MYO5B: variants seen among roughly 807,000 people sequenced by gnomAD.
The protein encoded by MYO5B is myosin VB, also known as unconventional myosin-Vb.
MYO5B carries 143 observed loss-of-function variants against 229.3 expected under a neutral mutation model. The observed-to-expected ratio is 0.62, with a 90% CI of 0.54 to 0.72. The LOEUF is 0.72. Ranked by LOEUF, MYO5B falls within the 30% of genes least tolerant of loss-of-function variation. MYO5B has a pLI of 0.00. For synonymous variants in MYO5B, 918 were observed against 885.2 expected, an observed-to-expected ratio of 1.04 and a Z score of -0.66; for missense variants, 2,321 against 2,331.0, an observed-to-expected ratio of 1.00 and a Z score of 0.09.
chr18:50,082,152 A>C (rs1034911216), intron 1 of MYO5B, among the ~76,000 whole-genome samples: 10 of 152,224 alleles, frequency 6.6e-5, no homozygotes, highest in Non-Finnish European at 4.4e-5. Flanking sequence ...AAGGCCCACA[A>C]TGGTACCAAG....
chr18:50,102,874 A>G (rs867298023), intron 1 of MYO5B, among the ~76,000 whole-genome samples: 2 of 152,094 alleles, frequency 1.3e-5, no homozygotes, highest in Non-Finnish European at 2.9e-5. Flanking sequence ...GCCTCAGCCC[A>G]TAAGAGACTT....
At chr18:50,092,414 G>C (rs1459308888) in intron 1 of MYO5B, among the ~76,000 whole-genome samples, 1 of 152,156 alleles carries the variant, frequency 6.6e-6, no homozygotes, top group African/African-American at 2.4e-5. Context: ...TGGCATAATG[G>C]AGAAGGAAGA....
chr18:50,135,761 G>C (rs887960417), intron 1 of MYO5B, among the ~76,000 whole-genome samples: 1 of 152,192 alleles, frequency 6.6e-6, no homozygotes, highest in Non-Finnish European at 1.5e-5. Context: ...CTGTTAGACT[G>C]TTAGAAACTG....
chr18:50,149,529 C>T (rs1439513685), intron 1 of MYO5B, among the ~76,000 whole-genome samples: 2 of 151,620 alleles, frequency 1.3e-5, no homozygotes, highest in Admixed American at 6.6e-5. Flanking sequence ...GAAATAATGC[C>T]ACATATCTAC....
chr18:50,184,883 C>T (rs114882831), intron 1 of MYO5B, among the ~76,000 whole-genome samples: 75,280 of 148,752 alleles, frequency 0.51, 18,975 homozygotes, highest in Admixed American at 0.59. Flanking sequence ...TACACACACA[C>T]ACACACACAC....
intron 1 of MYO5B, among the ~76,000 whole-genome samples, chr18:50,135,328 C>T (rs1248867412): frequency 2.0e-5 from 3 of 152,184 alleles, no homozygotes; most frequent in African/African-American, 7.2e-5. Flanking sequence ...AAGACTCAAC[C>T]TTTCAACCTA....
At chr18:50,186,179 G>A (rs1322422972) in intron 1 of MYO5B, among the ~76,000 whole-genome samples, 2 of 152,220 alleles carry the variant, frequency 1.3e-5, no homozygotes, top group African/African-American at 4.8e-5. Context: ...CACGCTTCCA[G>A]CTCATCCCAA....
intron 8 of MYO5B, among the ~76,000 whole-genome samples, chr18:49,983,228 T>A (rs928102204): frequency 3.3e-5 from 5 of 152,182 alleles, no homozygotes; most frequent in African/African-American, 1.2e-4. Flanking sequence ...GCTTGCTCAA[T>A]AGAGGGTATT....
intron 1 of MYO5B, among the ~76,000 whole-genome samples, chr18:50,152,773 T>G (rs2032619041): frequency 6.6e-6 from 1 of 151,942 alleles, no homozygotes; most frequent in East Asian, 1.9e-4. Flanking sequence ...GTTCTGATAT[T>G]GGGGTTCTTA....
intron 2 of MYO5B, among the ~76,000 whole-genome samples, chr18:50,048,758 C>A (rs927023184): frequency 2.0e-5 from 3 of 152,178 alleles, no homozygotes; most frequent in African/African-American, 7.2e-5. Context: ...CATGGTGGCT[C>A]ATGCCTGTAA....
intron 10 of MYO5B, among the ~76,000 whole-genome samples, chr18:49,972,294 CT>C (rs2025700024): frequency 6.6e-6 from 1 of 152,192 alleles, no homozygotes; most frequent in Admixed American, 6.5e-5. Flanking sequence ...AAAATCCCAG[CT>C]TGCACAAACC....
intron 21 of MYO5B, among the ~76,000 whole-genome samples, chr18:49,900,191 T>G (rs528385607): frequency 6.6e-6 from 1 of 152,302 alleles, no homozygotes; most frequent in Non-Finnish European, 1.5e-5. Flanking sequence ...ACTAAGCAAG[T>G]CTTTTCTTCC....
intron 1 of MYO5B, among the ~76,000 whole-genome samples, chr18:50,109,075 C>T (rs1205320549): frequency 6.6e-6 from 1 of 152,154 alleles, no homozygotes; most frequent in African/African-American, 2.4e-5. Context: ...ATTTTTAAAG[C>T]CCTAGAAACC....
intron 4 of MYO5B, among the ~76,000 whole-genome samples, chr18:50,026,332 C>A (rs1277280685): frequency 2.0e-5 from 3 of 152,150 alleles, no homozygotes; most frequent in African/African-American, 7.2e-5. Context: ...GCAGTAAAGT[C>A]CACATTTAAA....
chr18:49,904,971 C>T, intron 19 of MYO5B, 143 bp from the exon 20 acceptor site: 1 of 970,054 alleles, frequency 1.0e-6, no homozygotes, highest in Non-Finnish European at 1.6e-6. Context: ...CTCTCTTCAC[C>T]CCTAACAAAT....
chr18:50,036,859 T>G lies in MYO5B; in HGVS notation c.446A>C (p.Gln149Pro). The G allele has an allele frequency of 1.2e-6, 2 of 1,614,140 alleles. No individual in the cohort carries two copies. The highest frequency in any genetic ancestry group is 8.5e-7 in the Non-Finnish European group (1 of 1,180,024). The change falls in exon 4 of 40, where the codon CAG (glutamine) becomes CCG (proline). Residue 149 changes from glutamine (Q) to proline (P), a missense_variant. By Grantham distance (76) the Gln-to-Pro change is moderately conservative (BLOSUM62 -1). Transcript: ENST00000285039. ...CTGAGGACATTCTCACCTGGCCATCTGCTTGTAGGCTTCTTCTGCCACAGC... is the reference window on the plus strand; with the variant it reads ...CTGAGGACATTCTCACCTGGCCATCGGCTTGTAGGCTTCTTCTGCCACAGC... ...IFAVAEEAYKQMARDEKNQSI... is the reference protein window; with the variant it reads ...IFAVAEEAYKPMARDEKNQSI...
rs1045124029 is a variant in MYO5B at position 50,162,716 on chromosome 18, T to G, written c.27+32051A>C. 2.0e-5 allele frequency among the ~76,000 whole-genome samples: 3 copies of G among 152,248 alleles called. No homozygotes were observed. In the South Asian group the frequency reaches 6.2e-4, roughly 32 times the overall value. ...ACATCAGATATGATCATCAACTGTT[T>G]ACACAGAATCCACTGCCTCTAAGTG... On this transcript the variant is annotated intron_variant, in intron 1 of 39. Coordinates refer to ENST00000285039, the MANE Select transcript of MYO5B (RefSeq NM_001080467.3).
chr18:49,849,670 G>A lies in MYO5B; in HGVS notation c.4222-10C>T. 3 of 1,605,756 alleles carry A rather than the reference G, an allele frequency of 1.9e-6. No homozygotes were observed. Among genetic ancestry groups the A allele is most frequent in the Non-Finnish European group, 2.6e-6 (3 of 1,172,868 alleles). The stretch of plus-strand genomic sequence containing the variant: ...CCAGTTCTTTAAGGTCCTGGAAGCA[G>A]AGGAAGCAGTGTGAGAACAGACATC... On this transcript the variant is annotated splice_polypyrimidine_tract_variant and intron_variant, in intron 31 of 39. Transcript: ENST00000285039.
intron 38 of MYO5B, 90 bp downstream of exon 38, chr18:49,836,621 C>T (rs1238282365): frequency 2.7e-6 from 4 of 1,490,136 alleles, no homozygotes; most frequent in Admixed American, 1.7e-5. Context: ...GAGTGCAACA[C>T]TAACAAATAA....
Sources: allele counts gnomAD v4.1 joint callset (sites outside exome capture counted in the v4.1 genomes callset), GRCh38; gene constraint gnomAD v4.1.1; transcripts MANE v1.5; gene names NCBI Gene and HGNC (gene_info 2026-07-23, HGNC 2026-07-21).